Variants in TFCP2 observed in about 807,000 individuals in gnomAD.
The protein encoded by TFCP2 is alpha-globin transcription factor CP2.
In TFCP2, 33 loss-of-function variants were observed where a neutral mutation model predicts 73.4. The ratio of observed to expected loss-of-function variants is 0.45; its 90% CI spans 0.34 to 0.60. The LOEUF (loss-of-function observed/expected upper bound fraction) is 0.60, where lower values mean the gene tolerates loss of function less well. Among genes scored for constraint, TFCP2 ranks in the 20% least tolerant of loss-of-function variants. The pLI is 0.01. For synonymous variants in TFCP2, 193 were observed against 211.6 expected (o/e 0.91, Z 0.76); for missense variants, 352 against 604.0 (o/e 0.58, Z 4.37).
intron 4 of TFCP2, 74 bp from the exon 5 acceptor site, chr12:51,111,057 A>G (rs934168944): frequency 2.0e-6 from 2 of 1,014,660 alleles, no homozygotes; most frequent in Non-Finnish European, 3.1e-6. Flanking sequence ...ATTGATTCTT[A>G]TATTACTCAA....
chr12:51,107,429 G>A (rs1394195870), intron 6 of TFCP2, 83 bp from the exon 7 acceptor site: 2 of 1,106,446 alleles, frequency 1.8e-6, no homozygotes, highest in Admixed American at 2.1e-5. Context: ...AAATATTCAT[G>A]TATGAAACAA....
chr12:51,132,258 C>T (rs573251985), intron 1 of TFCP2, among the ~76,000 whole-genome samples: 1 of 151,086 alleles, frequency 6.6e-6, no homozygotes, highest in South Asian at 2.1e-4. Flanking sequence ...CACACCCTTT[C>T]GCAGCACTCC....
chr12:51,157,681 CTTTTCTT>C (rs1380557673), intron 1 of TFCP2, among the ~76,000 whole-genome samples: 5 of 77,286 alleles, frequency 6.5e-5, no homozygotes, highest in Non-Finnish European at 7.4e-5. Flanking sequence ...TTTTTCTTTT[CTTTTCTT>C]TTTTTTTTTT....
chr12:51,136,286 A>G (rs1941059135), intron 1 of TFCP2, among the ~76,000 whole-genome samples: 1 of 144,374 alleles, frequency 6.9e-6, no homozygotes, highest in South Asian at 2.3e-4. Flanking sequence ...TCCAGCCAAC[A>G]GTGTGAGACT....
intron 1 of TFCP2, among the ~76,000 whole-genome samples, chr12:51,165,892 T>C (rs1266764174): frequency 6.6e-6 from 1 of 152,232 alleles, no homozygotes; most frequent in Non-Finnish European, 1.5e-5. Context: ...CACATGCCTG[T>C]AGTCCCAGCT....
At position 51,172,222 on chromosome 12, in the gene TFCP2, T is replaced by C. The variant is rs925638723; in HGVS notation, c.122+79A>G. ...GCTTTTTAAAACTCTATACACCTCC[T>C]TCCCACTCAACCCCTTTTCTTAGTG... On this transcript the variant is annotated intron_variant, in intron 1 of 14. Transcript: ENST00000257915. 40 of 1,575,856 alleles carry C rather than the reference T, an allele frequency of 2.5e-5. No individual in the cohort carries two copies. In the African/African-American group the frequency reaches 2.8e-4, roughly 11 times the overall value.
Position 51,143,541 on chromosome 12 carries a change from T to C in TFCP2, c.123-24769A>G, listed in dbSNP as rs180728942. Among the ~76,000 whole-genome samples, 358 of 152,086 alleles carry C rather than the reference T, an allele frequency of 2.4e-3. 2 individuals carry two copies. The highest frequency in any genetic ancestry group is 3.5e-3 in the Admixed American group (53 of 15,228). On this transcript the variant is annotated intron_variant, in intron 1 of 14. Transcript: ENST00000257915. ...ACTAGAATTTATATGACAGTAATAA[T>C]TGCTAGCATTTATTGAGCACTTACT...
intron 1 of TFCP2, among the ~76,000 whole-genome samples, chr12:51,140,164 A>G (rs896369194): frequency 2.0e-5 from 3 of 152,138 alleles, no homozygotes; most frequent in Admixed American, 6.6e-5. Flanking sequence ...TGCTCCAAAG[A>G]TATTTCTAAA....
intron 8 of TFCP2, among the ~76,000 whole-genome samples, chr12:51,105,403 A>G (rs1229206219): frequency 6.6e-6 from 1 of 152,106 alleles, no homozygotes; most frequent in East Asian, 1.9e-4. Flanking sequence ...GTTTTTCTTT[A>G]TACGTTCTTT....
intron 1 of TFCP2, among the ~76,000 whole-genome samples, chr12:51,129,752 A>G (rs1232338255): frequency 6.6e-6 from 1 of 152,092 alleles, no homozygotes; most frequent in East Asian, 1.9e-4. Flanking sequence ...ATGTTGTGAG[A>G]CTGTTCAGGT....
intron 1 of TFCP2, among the ~76,000 whole-genome samples, chr12:51,137,276 T>G (rs1941081757): frequency 6.6e-6 from 1 of 152,244 alleles, no homozygotes; most frequent in Non-Finnish European, 1.5e-5. Flanking sequence ...TCCACTCTGC[T>G]GAATTATTTG....
At position 51,099,674 on chromosome 12, in the gene TFCP2, G is replaced by C; in HGVS notation, c.1257C>G (p.Asp419Glu). 6.2e-7 allele frequency: 1 copy of C among 1,614,072 alleles called. No individual in the cohort carries two copies. The highest frequency in any genetic ancestry group is 8.5e-7 in the Non-Finnish European group (1 of 1,180,026). The change falls in exon 12 of 15, where the codon GAC (aspartate) becomes GAG (glutamate). Residue 419 changes from aspartate (D) to glutamate (E), a missense_variant. Physicochemically the swap from Asp to Glu is conservative, Grantham distance 45. Coordinates refer to ENST00000257915, the MANE Select transcript of TFCP2 (RefSeq NM_005653.5). ...ACCTACCGAAGAAAGTACCATTTGA[G>C]TCTCCATCCTCATGCTTCTGCTGCT... The part of the protein sequence containing the change: ...QQQQQKHEDG[D>E]SNGTFFVYHA...
rs555666512 is a variant in TFCP2 at position 51,148,126 on chromosome 12, T to TA, written c.122+24174dup. 8.2e-3 allele frequency among the ~76,000 whole-genome samples: 1,247 copies of TA among 151,162 alleles called. 14 individuals are homozygous for TA. The highest frequency in any genetic ancestry group is 0.026 in the African/African-American group (1,075 of 41,244). Reference sequence around the variant, plus strand: ...GCAAGAATAGCCATAATCAAAAAATTAAAAAAAAATAGATGTTGGCATGGA... The same window carrying TA: ...GCAAGAATAGCCATAATCAAAAAATTAAAAAAAAAATAGATGTTGGCATGGA... On this transcript the variant is annotated intron_variant, in intron 1 of 14. Transcript: ENST00000257915.
At chr12:51,117,095 C>A (rs1052145985) in intron 3 of TFCP2, among the ~76,000 whole-genome samples, 1 of 152,166 alleles carries the variant, frequency 6.6e-6, no homozygotes, top group African/African-American at 2.4e-5. Flanking sequence ...AACTCACCAA[C>A]TCCCCCGCTT....
intron 1 of TFCP2, among the ~76,000 whole-genome samples, chr12:51,166,722 C>T (rs1941764895): frequency 6.6e-6 from 1 of 152,106 alleles, no homozygotes; most frequent in African/African-American, 2.4e-5. Context: ...TGCTTTAGAC[C>T]ACCCTGCGTC....
chr12:51,155,452 G>T (rs939987745), intron 1 of TFCP2, among the ~76,000 whole-genome samples: 1 of 151,938 alleles, frequency 6.6e-6, no homozygotes, highest in Non-Finnish European at 1.5e-5. Context: ...TTTAATTTTT[G>T]GAAGAACCAC....
intron 1 of TFCP2, among the ~76,000 whole-genome samples, chr12:51,134,995 A>C (rs888560607): frequency 6.6e-6 from 1 of 152,104 alleles, no homozygotes; most frequent in Non-Finnish European, 1.5e-5. Flanking sequence ...CTGTAGTCCC[A>C]GCTACTCAGG....
chr12:51,139,686 T>C (rs1315550974), intron 1 of TFCP2, among the ~76,000 whole-genome samples: 2 of 152,290 alleles, frequency 1.3e-5, no homozygotes, highest in East Asian at 3.9e-4. Context: ...CCTCTTTGAC[T>C]TTTTTAAAAG....
At chr12:51,103,878 T>G in intron 9 of TFCP2, 115 bp from the exon 10 acceptor site, 1 of 854,454 alleles carries the variant, frequency 1.2e-6, no homozygotes, top group Non-Finnish European at 1.9e-6. Context: ...TTTGTGAAAG[T>G]TGTTTTCTCT....
Sources: gnomAD v4.1 joint callset for allele counts (sites outside exome capture counted in the v4.1 genomes callset) on GRCh38, gnomAD v4.1.1 for gene constraint, MANE v1.5 for transcripts, NCBI Gene and HGNC (gene_info 2026-07-23, HGNC 2026-07-21) for gene names.